Variants in PACRG observed in about 807,000 individuals in gnomAD.
The protein encoded by PACRG is parkin coregulated, also known as parkin coregulated gene protein.
PACRG carries 29 observed loss-of-function variants against 29.7 expected under a neutral mutation model. That is an observed-to-expected ratio of 0.98 (90% CI 0.73 to 1.33). PACRG has a LOEUF of 1.33. Ranked by LOEUF, PACRG falls within the 40% of genes most tolerant of loss-of-function variation. The pLI is 0.00. For synonymous variants in PACRG, 116 were observed against 118.7 expected (o/e 0.98, Z 0.15); for missense variants, 279 against 316.2 (o/e 0.88, Z 0.89).
At position 162,808,965 on chromosome 6, in the gene PACRG, G is replaced by T. The variant is rs900495311; in HGVS notation, c.157-5182G>T. On this transcript the variant is annotated intron_variant, in intron 1 of 4. Coordinates refer to ENST00000366888, the MANE Select transcript of PACRG (RefSeq NM_001080379.2). ...TAGACAAGCTACAACCATCTGCATG[G>T]TTTCCAATAATAAGTTCTTTATTAC... 2.6e-5 allele frequency among the ~76,000 whole-genome samples: 4 copies of T among 151,978 alleles called. No homozygotes were observed. The South Asian group carries it at 8.3e-4, about 32-fold the overall frequency.
chr6:162,853,775 C>A lies in PACRG; in HGVS notation c.291+39494C>A, dbSNP rs1235233099. Among the ~76,000 whole-genome samples, 1 of 152,168 alleles carries A rather than the reference C, an allele frequency of 6.6e-6. No homozygotes were observed. Among genetic ancestry groups the A allele is most frequent in the Admixed American group, 6.5e-5 (1 of 15,270 alleles). On this transcript the variant is annotated intron_variant, in intron 2 of 4. Coordinates refer to ENST00000366888, the MANE Select transcript of PACRG (RefSeq NM_001080379.2). The surrounding 1 kb of genome is among the most constrained non-coding windows in gnomAD (Gnocchi z 4.7). The stretch of plus-strand genomic sequence containing the variant: ...CCTAAAATAAACATTTTTTAAAAAG[C>A]TATACTACCAGATATGAAACCTTGG...
At chr6:163,117,852 G>A (rs1816083619) in intron 4 of PACRG, among the ~76,000 whole-genome samples, 1 of 152,062 alleles carries the variant, frequency 6.6e-6, no homozygotes, top group African/African-American at 2.4e-5. Flanking sequence ...GTAGAAGAAA[G>A]CAAGATCATG....
intron 4 of PACRG, among the ~76,000 whole-genome samples, chr6:163,182,139 C>A (rs761624): frequency 6.6e-6 from 1 of 152,018 alleles, no homozygotes; most frequent in Non-Finnish European, 1.5e-5. Flanking sequence ...TAGACTCTTC[C>A]AGGCTCTTTG....
At chr6:163,258,477 G>A (rs968930982) in intron 4 of PACRG, among the ~76,000 whole-genome samples, 4 of 151,984 alleles carry the variant, frequency 2.6e-5, no homozygotes, top group Non-Finnish European at 4.4e-5. Flanking sequence ...CAATATTCTC[G>A]CCGGGCGCAG....
chr6:162,866,332 A>G (rs1349734710), intron 2 of PACRG, among the ~76,000 whole-genome samples: 1 of 152,210 alleles, frequency 6.6e-6, no homozygotes, highest in African/African-American at 2.4e-5. Context: ...TCCGGTCTTT[A>G]CCAACTAATC....
chr6:163,048,425 GA>G (rs1196399692), intron 2 of PACRG, among the ~76,000 whole-genome samples: 1 of 152,134 alleles, frequency 6.6e-6, no homozygotes, highest in Non-Finnish European at 1.5e-5. Context: ...ACATGATGTT[GA>G]AAAATTCTGG....
intron 4 of PACRG, among the ~76,000 whole-genome samples, chr6:163,134,315 G>T (rs1037540356): frequency 6.6e-6 from 1 of 152,048 alleles, no homozygotes; most frequent in African/African-American, 2.4e-5. Flanking sequence ...TTGGCGTCTC[G>T]GGGCTGTAAG....
intron 2 of PACRG, among the ~76,000 whole-genome samples, chr6:162,936,308 G>A (rs142204636): frequency 6.6e-6 from 1 of 152,052 alleles, no homozygotes; most frequent in South Asian, 2.1e-4. Flanking sequence ...AAACTCTATC[G>A]AGTGCTCACA....
chr6:162,890,601 G>A (rs1263873500), intron 2 of PACRG, among the ~76,000 whole-genome samples: 2 of 152,132 alleles, frequency 1.3e-5, no homozygotes, highest in Admixed American at 6.5e-5. Flanking sequence ...CCTCCTCAGG[G>A]TCACTTAGAG....
chr6:162,899,690 T>G (rs1795418219), intron 2 of PACRG, among the ~76,000 whole-genome samples: 1 of 151,972 alleles, frequency 6.6e-6, no homozygotes, highest in Non-Finnish European at 1.5e-5. Context: ...GCAGATGAAA[T>G]GTAATGAGGG....
intron 4 of PACRG, among the ~76,000 whole-genome samples, chr6:163,305,114 C>T (rs950204283): frequency 6.6e-6 from 1 of 152,236 alleles, no homozygotes; most frequent in African/African-American, 2.4e-5. Flanking sequence ...CTGTGCTCCT[C>T]ACAGGAGCCT....
chr6:163,084,460 T>C (rs928817857), intron 3 of PACRG, among the ~76,000 whole-genome samples: 1 of 152,126 alleles, frequency 6.6e-6, no homozygotes, highest in African/African-American at 2.4e-5. Flanking sequence ...AAATGGGCAG[T>C]GTAAGAAATC....
intron 4 of PACRG, among the ~76,000 whole-genome samples, chr6:163,122,201 TAGAC>T (rs1816311896): frequency 6.6e-6 from 1 of 152,060 alleles, no homozygotes; most frequent in Non-Finnish European, 1.5e-5. Context: ...GAGAAAAAAA[TAGAC>T]AAATTCACAA....
chr6:162,776,283 A>C (rs2128308271), intron 1 of PACRG, among the ~76,000 whole-genome samples: 1 of 152,274 alleles, frequency 6.6e-6, no homozygotes, highest in East Asian at 1.9e-4. Flanking sequence ...TTGACAGTTA[A>C]GTTTCTTTCA....
chr6:163,091,826 T>A (rs184665006), intron 4 of PACRG, among the ~76,000 whole-genome samples: 1 of 152,370 alleles, frequency 6.6e-6, no homozygotes, highest in East Asian at 1.9e-4. Flanking sequence ...GCCTGCTTTA[T>A]GATATACATC....
intron 2 of PACRG, among the ~76,000 whole-genome samples, chr6:162,852,977 C>T (rs1791053818): frequency 6.6e-6 from 1 of 152,222 alleles, no homozygotes; most frequent in South Asian, 2.1e-4. Flanking sequence ...CCCTTCTCAA[C>T]ACCGTCACCA....
chr6:163,068,202 A>G (rs902567087), intron 3 of PACRG, among the ~76,000 whole-genome samples: 1 of 152,330 alleles, frequency 6.6e-6, no homozygotes, highest in Admixed American at 6.5e-5. Flanking sequence ...TGCATCTTCT[A>G]GTAATTTCCG....
chr6:163,219,482 GCTTT>G, intron 4 of PACRG, among the ~76,000 whole-genome samples: 2 of 152,310 alleles, frequency 1.3e-5, no homozygotes, highest in Non-Finnish European at 2.9e-5. Flanking sequence ...CTGAAAATCT[GCTTT>G]CTATGCAAAA....
At chr6:162,921,292 C>A (rs1329015423) in intron 2 of PACRG, among the ~76,000 whole-genome samples, 1 of 152,068 alleles carries the variant, frequency 6.6e-6, no homozygotes, top group Non-Finnish European at 1.5e-5. Flanking sequence ...GCAGTGAGGG[C>A]CGCCAGGTGG....
Sources: allele counts gnomAD v4.1 joint callset (sites outside exome capture counted in the v4.1 genomes callset), GRCh38; gene constraint gnomAD v4.1.1; non-coding constraint Gnocchi (gnomAD v3.1); transcripts MANE v1.5; gene names NCBI Gene and HGNC (gene_info 2026-07-23, HGNC 2026-07-21).